The following APBA1 variants were observed in gnomAD, a reference collection of about 807,000 sequenced individuals.
The protein encoded by APBA1 is amyloid-beta A4 precursor protein-binding family A member 1.
A neutral mutation model predicts 86.6 loss-of-function variants in APBA1; 55 were observed. That is an observed-to-expected ratio of 0.64 (90% CI 0.51 to 0.80). The LOEUF (loss-of-function observed/expected upper bound fraction) is 0.80. APBA1 is among the 30% of genes least tolerant of loss of function. The probability of loss-of-function intolerance (pLI) is 0.00; values close to 1 mark genes in which losing one functional copy is unlikely to be tolerated. For missense variants in APBA1, 1,090 were observed against 1,183.0 expected, an observed-to-expected ratio of 0.92 and a Z score of 1.15; for synonymous variants, 511 against 493.9, an observed-to-expected ratio of 1.03 and a Z score of -0.46.
intron 1 of APBA1, among the ~76,000 whole-genome samples, chr9:69,627,586 T>C (rs927717009): frequency 5.9e-5 from 9 of 152,072 alleles, no homozygotes; most frequent in African/African-American, 1.9e-4. Flanking sequence ...CTGGGTGACA[T>C]AACAAGAAAC....
intron 9 of APBA1, among the ~76,000 whole-genome samples, chr9:69,451,576 C>A (rs1277065256): frequency 6.6e-6 from 1 of 152,104 alleles, no homozygotes; most frequent in Non-Finnish European, 1.5e-5. Flanking sequence ...GGCTTCCAAC[C>A]ATTCCATAGA....
rs1052407521 is a variant in APBA1, at chr9:69,476,042, C to T, written c.1296+6G>A. ...CAATGGCTTTGGTAACAAAACAGCACCCTACCTCTTTATTAGTGGACGCTT... is the reference window on the plus strand; with the variant it reads ...CAATGGCTTTGGTAACAAAACAGCATCCTACCTCTTTATTAGTGGACGCTT... On this transcript the variant is annotated splice_donor_region_variant and intron_variant, in intron 3 of 12. Transcript: ENST00000265381. 4 of 1,612,746 alleles carry T rather than the reference C, an allele frequency of 2.5e-6. No homozygotes were observed. The East Asian group carries it at 8.9e-5, about 36-fold the overall frequency.
At chr9:69,489,932 C>T in intron 2 of APBA1, among the ~76,000 whole-genome samples, 1 of 152,122 alleles carries the variant, frequency 6.6e-6, no homozygotes. Flanking sequence ...CCTCAGGGAT[C>T]TAGAACTAGA....
At chr9:69,475,955 G>A in intron 3 of APBA1, 93 bp downstream of exon 3, 1 of 998,262 alleles carries the variant, frequency 1.0e-6, no homozygotes, top group Non-Finnish European at 1.6e-6. Context: ...ATGTGGGTCA[G>A]GAGCGCTGTA....
rs557432865 is a variant in APBA1, at chr9:69,638,633, G to A, written c.-70+33520C>T. On this transcript the variant is annotated intron_variant, in intron 1 of 12. Coordinates refer to ENST00000265381, the MANE Select transcript of APBA1 (RefSeq NM_001163.4). ...ATGGTTTGTGTTTGCATGCAGGCAT[G>A]TGCATGTTTAAATAGTTTAAAGAAC... Among the ~76,000 whole-genome samples, 293 of 152,320 alleles carry A rather than the reference G, an allele frequency of 1.9e-3. 1 individual carries two copies. The highest frequency in any genetic ancestry group is 3.3e-3 in the Non-Finnish European group (227 of 68,028).
chr9:69,454,537 AG>A (rs941567714), intron 8 of APBA1, among the ~76,000 whole-genome samples: 43 of 152,224 alleles, frequency 2.8e-4, no homozygotes, highest in Admixed American at 2.6e-4. Context: ...GTGGCTGCAC[AG>A]CTTGGATGAG....
At chr9:69,466,058 T>G (rs1044693538) in intron 5 of APBA1, among the ~76,000 whole-genome samples, 2 of 152,184 alleles carry the variant, frequency 1.3e-5, no homozygotes, top group Non-Finnish European at 2.9e-5. Context: ...ATCGTAGTCA[T>G]GTCAAAAGTT....
chr9:69,511,298 T>G (rs983810660), intron 2 of APBA1, among the ~76,000 whole-genome samples: 3 of 152,180 alleles, frequency 2.0e-5, no homozygotes, highest in Non-Finnish European at 4.4e-5. Flanking sequence ...AAGACATTTA[T>G]GCATCCAAAA....
At chr9:69,653,544 T>C (rs1050204023) in intron 1 of APBA1, among the ~76,000 whole-genome samples, 19 of 152,300 alleles carry the variant, frequency 1.2e-4, no homozygotes, top group African/African-American at 3.6e-4. Flanking sequence ...TTTTCCAGGA[T>C]AGACCACATG....
rs928826508 is a variant in APBA1 at position 69,487,330 on chromosome 9, G to A, written c.1201-11187C>T. Among the ~76,000 whole-genome samples the A allele has an allele frequency of 3.3e-5, 5 of 152,212 alleles. No homozygotes were observed. In the East Asian group the frequency reaches 9.7e-4, roughly 29 times the overall value. ...CAGATCCCTGCCTCCCCCCAAAAAT[G>A]CCTGGTCTTTCAGGGGAGACAAACC... is the stretch of plus-strand genomic sequence containing the variant. On this transcript the variant is annotated intron_variant, in intron 2 of 12. Transcript: ENST00000265381.
At chr9:69,548,471 T>C (rs1192245894) in intron 1 of APBA1, among the ~76,000 whole-genome samples, 1 of 152,210 alleles carries the variant, frequency 6.6e-6, no homozygotes, top group Non-Finnish European at 1.5e-5. Context: ...AGGAAACTAA[T>C]ATAAGTGGGT....
At chr9:69,521,429 T>C (rs751358685) in intron 1 of APBA1, among the ~76,000 whole-genome samples, 1 of 152,212 alleles carries the variant, frequency 6.6e-6, no homozygotes, top group Non-Finnish European at 1.5e-5. Context: ...ACTTGATGAA[T>C]GTTAATTAGG....
chr9:69,516,805 C>T lies in APBA1; in HGVS notation c.406G>A (p.Glu136Lys). 6.2e-7 allele frequency: 1 copy of T among 1,608,724 alleles called. No individual in the cohort carries two copies. The highest frequency in any genetic ancestry group is 1.1e-5 in the South Asian group (1 of 90,924). ...AEEYTEQAEA[E>K]HAEATHRRAL... ...CGGCGGTGCGTGGCCTCGGCGTGCT[C>T]GGCCTCTGCCTGCTCCGTGTACTCC... Residue 136 changes from glutamate to lysine, a missense_variant, in exon 2 of 13, where the codon GAG (glutamate) becomes AAG (lysine). Physicochemically the swap from Glu to Lys is moderately conservative, Grantham distance 56. Around this residue, in one of 6 missense-constraint regions of APBA1, gnomAD observed 678 missense variants for 647.1 expected, o/e 1.05. Transcript: ENST00000265381. This position sits in a 1 kb window ranked among gnomAD's most constrained non-coding sequence, Gnocchi z 7.3.
At chr9:69,432,038 CAGT>C (rs916775512) in intron 12 of APBA1, among the ~76,000 whole-genome samples, 2 of 152,116 alleles carry the variant, frequency 1.3e-5, no homozygotes, top group Non-Finnish European at 1.5e-5. Context: ...TGATGACTGA[CAGT>C]AGTGATGACT....
intron 1 of APBA1, among the ~76,000 whole-genome samples, chr9:69,593,751 TAAG>T (rs1226914817): frequency 2.0e-5 from 3 of 152,166 alleles, no homozygotes; most frequent in Non-Finnish European, 2.9e-5. Context: ...TCAAAGTAGA[TAAG>T]AGGTCCAGGA....
chr9:69,493,799 G>A (rs1400611077), intron 2 of APBA1, among the ~76,000 whole-genome samples: 4 of 152,028 alleles, frequency 2.6e-5, no homozygotes, highest in East Asian at 1.9e-4. Flanking sequence ...CTGAACACAC[G>A]CAGCATTACT....
intron 5 of APBA1, among the ~76,000 whole-genome samples, chr9:69,458,678 T>C (rs1835139860): frequency 6.6e-6 from 1 of 152,228 alleles, no homozygotes. Context: ...GATTTTTGTG[T>C]TTCAATTTAA....
Position 69,671,553 on chromosome 9 carries a change from C to T in APBA1, c.-70+600G>A, listed in dbSNP as rs573707954. 5.3e-5 allele frequency among the ~76,000 whole-genome samples: 8 copies of T among 152,296 alleles called. No homozygotes were observed. The South Asian group carries it at 1.7e-3, about 32-fold the overall frequency. On this transcript the variant is annotated intron_variant, in intron 1 of 12. Transcript: ENST00000265381. ...GTCCCACAGTCTTAGCCGGTGACAT[C>T]AAGTAAGGGCAGCGGCAGATCTCTG...
At chr9:69,466,971 G>C (rs1245520457) in intron 5 of APBA1, among the ~76,000 whole-genome samples, 1 of 152,206 alleles carries the variant, frequency 6.6e-6, no homozygotes, top group Non-Finnish European at 1.5e-5. Flanking sequence ...TGTCCCTAGG[G>C]CTCTAGGTGA....
Sources: allele counts gnomAD v4.1 joint callset (sites outside exome capture counted in the v4.1 genomes callset), GRCh38; gene constraint gnomAD v4.1.1; regional missense constraint gnomAD v4.1.1; non-coding constraint Gnocchi (gnomAD v3.1); transcripts MANE v1.5; gene names NCBI Gene and HGNC (gene_info 2026-07-23, HGNC 2026-07-21).